CACNA1B: variants seen among roughly 807,000 people sequenced by gnomAD.
The protein encoded by CACNA1B is voltage-dependent N-type calcium channel subunit alpha-1B.
Under a neutral mutation model 247.2 loss-of-function variants are expected in CACNA1B, and 70 were observed. The observed-to-expected ratio is 0.28, with a 90% CI of 0.23 to 0.35. CACNA1B has a LOEUF of 0.35. Ranked by LOEUF, CACNA1B falls within the 10% of genes least tolerant of loss-of-function variation. The pLI, the probability that CACNA1B is intolerant of heterozygous loss-of-function variation, is 1.00. For missense variants in CACNA1B, 2,367 were observed against 3,197.4 expected (o/e 0.74, Z 6.26); for synonymous variants, 1,231 against 1,294.4 (o/e 0.95, Z 1.05).
intron 10 of CACNA1B, among the ~76,000 whole-genome samples, chr9:137,970,626 C>G (rs1485108150): frequency 6.6e-6 from 1 of 152,172 alleles, no homozygotes; most frequent in Non-Finnish European, 1.5e-5. Context: ...GTGCCCAGAG[C>G]AGGTGCTCTG....
chr9:137,909,628 C>T (rs894502427), intron 3 of CACNA1B, among the ~76,000 whole-genome samples: 3 of 152,162 alleles, frequency 2.0e-5, no homozygotes, highest in Non-Finnish European at 4.4e-5. Flanking sequence ...GTGTTCCTCC[C>T]CTCTTCCGGT....
chr9:138,106,460 C>T (rs544255195), intron 39 of CACNA1B, among the ~76,000 whole-genome samples: 10 of 152,300 alleles, frequency 6.6e-5, no homozygotes, highest in Middle Eastern at 3.4e-3. Context: ...TATAAACACC[C>T]GATTATTTCC....
intron 36 of CACNA1B, among the ~76,000 whole-genome samples, chr9:138,085,130 A>AATGCAATTGACAAT (rs1016975686): frequency 3.3e-5 from 5 of 150,934 alleles, no homozygotes; most frequent in Non-Finnish European, 7.4e-5. Context: ...TGAAATCAGA[A>AATGCAATTGACAAT]ATGCAATTGA....
At chr9:137,967,140 C>G (rs967912284) in intron 10 of CACNA1B, among the ~76,000 whole-genome samples, 1 of 152,142 alleles carries the variant, frequency 6.6e-6, no homozygotes, top group African/African-American at 2.4e-5. Context: ...TTTTTACTCT[C>G]TAATTCTTCT....
chr9:138,072,390 T>C lies in CACNA1B; in HGVS notation c.4675-1098T>C, dbSNP rs1287039087. On this transcript the variant is annotated intron_variant, in intron 32 of 46. Coordinates refer to ENST00000371372, the MANE Select transcript of CACNA1B (RefSeq NM_000718.4). The surrounding 1 kb of genome is among the most constrained non-coding windows in gnomAD (Gnocchi z 4.5). ...CCTCATTCCCACCTAACGGTAGCCC[T>C]GGAGAGTCGGGATGCTCTGCCAGGC... 6.6e-6 allele frequency among the ~76,000 whole-genome samples: 1 copy of C among 152,236 alleles called. No individual in the cohort carries two copies. The highest frequency in any genetic ancestry group is 1.5e-5 in the Non-Finnish European group (1 of 68,040).
chr9:137,996,261 A>G (rs1304891515), intron 15 of CACNA1B, among the ~76,000 whole-genome samples: 1 of 152,278 alleles, frequency 6.6e-6, no homozygotes, highest in Non-Finnish European at 1.5e-5. Flanking sequence ...ACCAACCCAG[A>G]TGCCTATTGG....
chr9:138,064,490 A>C (rs1959845220), intron 31 of CACNA1B, among the ~76,000 whole-genome samples: 1 of 152,126 alleles, frequency 6.6e-6, no homozygotes. Context: ...ACTTACTTTC[A>C]TTCTTTTGAA....
chr9:137,964,634 A>C (rs1274316838), intron 10 of CACNA1B, among the ~76,000 whole-genome samples: 1 of 152,234 alleles, frequency 6.6e-6, no homozygotes. Flanking sequence ...TTGGGTTACC[A>C]CATGCTCTTA....
chr9:138,026,100 A>G (rs1212790084), intron 20 of CACNA1B, among the ~76,000 whole-genome samples: 1 of 152,166 alleles, frequency 6.6e-6, no homozygotes, highest in Non-Finnish European at 1.5e-5. Flanking sequence ...GTGCGTGCCC[A>G]TGTTTGCAGA....
intron 20 of CACNA1B, among the ~76,000 whole-genome samples, chr9:138,034,243 T>C (rs1959017245): frequency 6.6e-6 from 1 of 152,144 alleles, no homozygotes; most frequent in Admixed American, 6.5e-5. Context: ...TCCTGCTGGG[T>C]GAGACGTGAC....
chr9:137,990,933 G>A lies in CACNA1B; in HGVS notation c.1974+4079G>A, dbSNP rs920271258. On this transcript the variant is annotated intron_variant, in intron 15 of 46. Coordinates refer to ENST00000371372, the MANE Select transcript of CACNA1B (RefSeq NM_000718.4). The surrounding 1 kb of genome is among the most constrained non-coding windows in gnomAD (Gnocchi z 4.5). ...CACCACATCAAGGGAGCACCCCCAA[G>A]ATAAGAGAACAGCAGCCCTTGAGTC... 6.6e-6 allele frequency among the ~76,000 whole-genome samples: 1 copy of A among 152,198 alleles called. No homozygotes were observed. Among genetic ancestry groups the A allele is most frequent in the Non-Finnish European group, 1.5e-5 (1 of 68,032 alleles).
At chr9:138,117,715 T>C (rs903216899) in intron 42 of CACNA1B, among the ~76,000 whole-genome samples, 5 of 152,150 alleles carry the variant, frequency 3.3e-5, no homozygotes, top group African/African-American at 1.2e-4. Context: ...GCTCTGACCC[T>C]GTTTTGGATC....
intron 36 of CACNA1B, among the ~76,000 whole-genome samples, chr9:138,084,222 A>T (rs1960620807): frequency 1.3e-5 from 2 of 151,134 alleles, no homozygotes; most frequent in Non-Finnish European, 2.9e-5. Context: ...CAATAAGTTC[A>T]TGAGATTCTA....
intron 15 of CACNA1B, among the ~76,000 whole-genome samples, chr9:137,988,757 GCTCAGCCCCCTCTGAGCAC>G (rs985494456): frequency 1.5e-4 from 23 of 152,254 alleles, no homozygotes; most frequent in Middle Eastern, 6.8e-3. Flanking sequence ...TGCAGGTGTG[GCTCAGCCCCCTCTGAGCAC>G]TGGGGGAGGT....
rs188776237 is a variant in CACNA1B at position 138,054,706 on chromosome 9, C to A, written c.3968+700C>A. On this transcript the variant is annotated intron_variant, in intron 26 of 46. Coordinates refer to ENST00000371372, the MANE Select transcript of CACNA1B (RefSeq NM_000718.4). This position sits in a 1 kb window ranked among gnomAD's most constrained non-coding sequence, Gnocchi z 4.6. ...TGTATCTGTCTGGTAGTGGAATTGC[C>A]GGGTCCTGGGTGTGCGTGTACTCAG... Among the ~76,000 whole-genome samples, 13 of 152,300 alleles carry A rather than the reference C, an allele frequency of 8.5e-5. No homozygotes were observed. The highest frequency in any genetic ancestry group is 1.6e-4 in the Non-Finnish European group (11 of 68,018).
At chr9:138,062,475 G>A (rs375257406) in intron 31 of CACNA1B, among the ~76,000 whole-genome samples, 33 of 152,158 alleles carry the variant, frequency 2.2e-4, no homozygotes, top group African/African-American at 7.2e-4. Context: ...GCTTGGGTTC[G>A]GTCGTAGAGG....
At chr9:137,933,989 A>G (rs1407731730) in intron 6 of CACNA1B, among the ~76,000 whole-genome samples, 1 of 152,228 alleles carries the variant, frequency 6.6e-6, no homozygotes. Flanking sequence ...ATAAAAATGA[A>G]TTGAAACACT....
At position 138,045,590 on chromosome 9, in the gene CACNA1B, G is replaced by T. The variant is rs550967731; in HGVS notation, c.3414-1314G>T. ...TGCGTTCACTGAGACCAGCAGTGCTGCTGGGGTCCCGCCTGCAGACCCTGC... is the reference window on the plus strand; with the variant it reads ...TGCGTTCACTGAGACCAGCAGTGCTTCTGGGGTCCCGCCTGCAGACCCTGC... On this transcript the variant is annotated intron_variant, in intron 21 of 46. Transcript: ENST00000371372. 2.7e-4 allele frequency among the ~76,000 whole-genome samples: 41 copies of T among 152,346 alleles called. 1 individual carries two copies. In the South Asian group the frequency reaches 4.3e-3, roughly 16 times the overall value.
chr9:138,115,757 C>T lies in CACNA1B; in HGVS notation c.5777+78C>T. Reference sequence around the variant, plus strand: ...AAAGGGGGAAGCAGACATCCCATTTCCTCAACCTCCCTGGCCCTCACTTCC... The same window carrying T: ...AAAGGGGGAAGCAGACATCCCATTTTCTCAACCTCCCTGGCCCTCACTTCC... On this transcript the variant is annotated intron_variant, in intron 42 of 46. Coordinates refer to ENST00000371372, the MANE Select transcript of CACNA1B (RefSeq NM_000718.4). 2.8e-6 allele frequency: 4 copies of T among 1,429,340 alleles called. No individual in the cohort carries two copies. In the South Asian group the frequency reaches 3.9e-5, roughly 14 times the overall value. 88.5% of individuals were successfully genotyped at this position (1,429,340 alleles called of 1,614,324 possible).
Sources: allele counts gnomAD v4.1 joint callset (sites outside exome capture counted in the v4.1 genomes callset), GRCh38; gene constraint gnomAD v4.1.1; non-coding constraint Gnocchi (gnomAD v3.1); transcripts MANE v1.5; gene names NCBI Gene and HGNC (gene_info 2026-07-23, HGNC 2026-07-21).